The following SYDE2 variants were observed in gnomAD, a reference collection of about 807,000 sequenced individuals.
SYDE2 encodes the protein rho GTPase-activating protein SYDE2.
SYDE2 carries 76 observed loss-of-function variants against 91.5 expected under a neutral mutation model. The ratio of observed to expected loss-of-function variants is 0.83; its 90% confidence interval spans 0.69 to 1.01. SYDE2 has a LOEUF of 1.01. Ranked by LOEUF, SYDE2 falls within the 50% of genes least tolerant of loss-of-function variation. The probability of loss-of-function intolerance (pLI) is 0.00; values close to 1 mark genes in which losing one functional copy is unlikely to be tolerated. For missense variants in SYDE2, 1,364 were observed against 1,367.7 expected, an observed-to-expected ratio of 1.00 and a Z score of 0.04; for synonymous variants, 513 against 506.4, an observed-to-expected ratio of 1.01 and a Z score of -0.18.
chr1:85,154,810 T>A (rs1371702217), downstream of SYDE2, among the ~76,000 whole-genome samples: 1 of 151,944 alleles, frequency 6.6e-6, no homozygotes, highest in Non-Finnish European at 1.5e-5. Context: ...TAGTGAAATG[T>A]CTTCAAAATT....
chr1:85,187,132 T>C (rs113484783), intron 2 of SYDE2, among the ~76,000 whole-genome samples: 1 of 152,278 alleles, frequency 6.6e-6, no homozygotes, highest in South Asian at 2.1e-4. Flanking sequence ...AAAGGGCTGA[T>C]ATCCAGAATC....
chr1:85,195,779 T>C (rs1429309651), intron 1 of SYDE2, among the ~76,000 whole-genome samples: 1 of 152,178 alleles, frequency 6.6e-6, no homozygotes, highest in Non-Finnish European at 1.5e-5. Context: ...ACCTTTTCAC[T>C]CTCCATCTAG....
rs761121439 is a variant in SYDE2, at chr1:85,182,408, A to G, written c.2234T>C (p.Val745Ala). 1 of 1,613,734 alleles carries G rather than the reference A, an allele frequency of 6.2e-7. No homozygotes were observed. The highest frequency in any genetic ancestry group is 1.7e-5 in the Admixed American group (1 of 59,984). Residue 745 changes from valine (V) to alanine (A), a missense_variant, in exon 3 of 7, where the codon GTA becomes GCA. Transcript: ENST00000341460. Reference protein sequence around the residue: ...EIENAQHLKLVVFSWEPTPRK... With the variant: ...EIENAQHLKLAVFSWEPTPRK... The stretch of plus-strand genomic sequence containing the variant: ...TGGAGTGGGTTCCCAACTGAATACT[A>G]CTAGTTTCAAATGTTGTGCATTTTC...
chr1:85,169,858 A>C (rs1657436547), intron 4 of SYDE2, among the ~76,000 whole-genome samples: 1 of 152,200 alleles, frequency 6.6e-6, no homozygotes, highest in Non-Finnish European at 1.5e-5. Context: ...GAATGAGGAA[A>C]GTCAATTGCA....
intron 1 of SYDE2, chr1:85,194,703 G>A: frequency 2.0e-6 from 1 of 496,186 alleles, no homozygotes; most frequent in Non-Finnish European, 2.6e-6. Flanking sequence ...TTTTCACTCA[G>A]AAAAATATTC....
chr1:85,164,316 G>C (rs542776036), intron 6 of SYDE2, among the ~76,000 whole-genome samples: 1 of 152,246 alleles, frequency 6.6e-6, no homozygotes, highest in East Asian at 1.9e-4. Flanking sequence ...AGTCTAACAT[G>C]TGCACATTAA....
rs1316609650 is a variant in SYDE2 at position 85,157,403 on chromosome 1, T to C, written c.*1347A>G. 2.0e-5 allele frequency: 3 copies of C among 152,150 alleles called. No homozygotes were observed. Among genetic ancestry groups the C allele is most frequent in the African/African-American group, 4.8e-5 (2 of 41,456 alleles). The allele number at this position is 152,150 out of a possible 1,614,324, so 9.4% of individuals were successfully genotyped here. A position where few individuals can be genotyped will look rare whatever the true frequency, so the allele number is the denominator to read the frequency against. On this transcript the variant is annotated 3_prime_UTR_variant, in exon 7 of 7. Coordinates refer to ENST00000341460, the MANE Select transcript of SYDE2 (RefSeq NM_032184.2). ...AGTTAATTTTTAAAAATCAGTAACA[T>C]GTAATATGCTGGCAAGACTATTTAG...
intron 1 of SYDE2, among the ~76,000 whole-genome samples, chr1:85,192,956 T>C (rs1031947452): frequency 1.3e-5 from 2 of 152,188 alleles, no homozygotes; most frequent in Admixed American, 1.3e-4. Context: ...AAGAACTAAG[T>C]GAAATAATGT....
At chr1:85,154,777 C>A (rs1656838832), downstream of SYDE2, among the ~76,000 whole-genome samples, 2 of 151,860 alleles carry the variant, frequency 1.3e-5, no homozygotes. Context: ...TGGACTACTG[C>A]AAAACTGGAT....
chr1:85,166,401 T>TA (rs1458343113), intron 5 of SYDE2, among the ~76,000 whole-genome samples: 1 of 151,952 alleles, frequency 6.6e-6, no homozygotes, highest in East Asian at 1.9e-4. Context: ...TCTAAGCTGG[T>TA]AAAAATCTTA....
Position 85,190,508 on chromosome 1 carries a change from G to A in SYDE2, c.990C>T (p.Phe330=), listed in dbSNP as rs557361817. ...SLPKHQLSQS[F]LKSSKEYCTY... The stretch of plus-strand genomic sequence containing the variant: ...TACAGTACTCTTTAGATGATTTGAG[G>A]AAAGACTGTGATAGCTGATGTTTAG... Residue 330 remains phenylalanine, a synonymous_variant, in exon 2 of 7, where the codon TTC becomes TTT. Transcript: ENST00000341460. 1.2e-5 allele frequency: 19 copies of A among 1,614,000 alleles called. No individual in the cohort carries two copies. The East Asian group carries it at 4.0e-4, about 34-fold the overall frequency.
intron 1 of SYDE2, among the ~76,000 whole-genome samples, chr1:85,199,703 G>C (rs1658734167): frequency 6.6e-6 from 1 of 151,714 alleles, no homozygotes; most frequent in Non-Finnish European, 1.5e-5. Context: ...CTTATGGTAG[G>C]GTTTTTTTTG....
At chr1:85,192,664 A>G (rs1658417101) in intron 1 of SYDE2, among the ~76,000 whole-genome samples, 1 of 152,140 alleles carries the variant, frequency 6.6e-6, no homozygotes. Flanking sequence ...AGAAGTAAGG[A>G]GGCCCCCAAC....
intron 2 of SYDE2, among the ~76,000 whole-genome samples, chr1:85,186,575 G>A (rs1378886249): frequency 1.3e-5 from 2 of 151,990 alleles, no homozygotes; most frequent in African/African-American, 4.8e-5. Flanking sequence ...TAAGCCAAAA[G>A]AACAAAGCTG....
intron 3 of SYDE2, 189 bp downstream of exon 3, chr1:85,181,909 G>A: frequency 1.8e-6 from 1 of 546,100 alleles, no homozygotes; most frequent in Non-Finnish European, 3.1e-6. Flanking sequence ...CATCTAGCAT[G>A]CTCTCAATAA....
intron 3 of SYDE2, among the ~76,000 whole-genome samples, chr1:85,180,030 C>G (rs1657851855): frequency 6.6e-6 from 1 of 152,122 alleles, no homozygotes; most frequent in Non-Finnish European, 1.5e-5. Context: ...ATGATGATAT[C>G]TTGAATCAAA....
At position 85,200,804 on chromosome 1, in the gene SYDE2, G is replaced by A. The variant is rs1295185932; in HGVS notation, c.193C>T (p.Pro65Ser). ...PRQQVSPPRS[P>S]QREPRGGQLR... ...TGGCCTCCCCGCGGCTCCCTCTGAG[G>A]CGACCGGGGCGGGGACACCTGCTGC... Residue 65 changes from proline (P) to serine (S), a missense_variant, in exon 1 of 7, where the codon CCT becomes TCT. Coordinates refer to ENST00000341460, the MANE Select transcript of SYDE2 (RefSeq NM_032184.2). 2 of 1,467,156 alleles carry A rather than the reference G, an allele frequency of 1.4e-6. No individual in the cohort carries two copies. The highest frequency in any genetic ancestry group is 1.8e-6 in the Non-Finnish European group (2 of 1,117,432). 90.9% of individuals were successfully genotyped at this position (1,467,156 alleles called of 1,614,324 possible). A position where few individuals can be genotyped will look rare whatever the true frequency, so the allele number is the denominator to read the frequency against.
intron 1 of SYDE2, among the ~76,000 whole-genome samples, chr1:85,197,885 A>C (rs1437626423): frequency 1.3e-5 from 2 of 151,888 alleles, no homozygotes; most frequent in Non-Finnish European, 1.5e-5. Flanking sequence ...CGATCTCCTG[A>C]CCTCGTGATC....
At position 85,182,482 on chromosome 1, in the gene SYDE2, T is replaced by G. The variant is rs754559136; in HGVS notation, c.2160A>C (p.Thr720=). 2 of 1,613,852 alleles carry G rather than the reference T, an allele frequency of 1.2e-6. No homozygotes were observed. Among genetic ancestry groups the G allele is most frequent in the Non-Finnish European group, 1.7e-6 (2 of 1,179,816 alleles). The change falls in exon 3 of 7, where the codon ACA becomes ACC. Residue 720 remains threonine, a synonymous_variant. Coordinates refer to ENST00000341460, the MANE Select transcript of SYDE2 (RefSeq NM_032184.2). ...CCATGTCTAAAAATGTTGTTCGGCA[T>G]GTGAGCAAAGCTGTTCTTGCTTTGT... ...SVNKARTALL[T]CRTTFLDMDH... is the part of the protein sequence containing the mutation.
Sources: allele counts gnomAD v4.1 joint callset (sites outside exome capture counted in the v4.1 genomes callset), GRCh38; gene constraint gnomAD v4.1.1; transcripts MANE v1.5; gene names NCBI Gene and HGNC (gene_info 2026-07-23, HGNC 2026-07-21).